PLEKHG4: variants seen among roughly 807,000 people sequenced by gnomAD.
The protein encoded by PLEKHG4 is puratrophin-1.
In PLEKHG4, 85 loss-of-function variants were observed where a neutral mutation model predicts 136.9. The observed-to-expected ratio is 0.62, with a 90% confidence interval of 0.52 to 0.74. The LOEUF is 0.74. Among genes scored for constraint, PLEKHG4 ranks in the 30% least tolerant of loss-of-function variants. The pLI is 0.00. For synonymous variants in PLEKHG4, 577 were observed against 646.9 expected, an observed-to-expected ratio of 0.89 and a Z score of 1.64; for missense variants, 1,317 against 1,527.8, an observed-to-expected ratio of 0.86 and a Z score of 2.30.
chr16:67,282,603 G>A lies in PLEKHG4; in HGVS notation c.1354G>A (p.Val452Ile), dbSNP rs772299611. The change falls in exon 10 of 22, where the codon GTC (valine) becomes ATC (isoleucine). Residue 452 changes from valine (V) to isoleucine (I), a missense_variant. Physicochemically the swap from Val to Ile is conservative, Grantham distance 29 (BLOSUM62 3). Coordinates refer to ENST00000379344, the MANE Select transcript of PLEKHG4 (RefSeq NM_001129729.3). ...CCAGCGAATACAGGCCCTAGAGTTG[G>A]TCCAAACACTGGAGGCCCGGGAAAG... is the stretch of plus-strand genomic sequence containing the variant. ...SNQRIQALEL[V>I]QTLEARESGL... 3.1e-6 allele frequency: 5 copies of A among 1,614,036 alleles called. No individual in the cohort carries two copies. The South Asian group carries it at 4.4e-5, about 14-fold the overall frequency.
In PLEKHG4 at chr16:67,284,745, G is replaced by A. The variant is rs767457598; in HGVS notation, c.1725G>A (p.Val575=). 4.3e-6 allele frequency: 7 copies of A among 1,613,830 alleles called. No individual in the cohort carries two copies. The highest frequency in any genetic ancestry group is 4.5e-5 in the East Asian group (2 of 44,890). ...ALTWAEEGQR[V]LAELEQERPG... is the part of the protein sequence containing the mutation. ...CGTGGGCTGAGGAGGGGCAGCGAGT[G>A]TTGGCAGAGCTGGAGCAGGAACGCC... The change falls in exon 13 of 22, where the codon GTG becomes GTA. Residue 575 remains valine (V), a synonymous_variant. Transcript: ENST00000379344. This position sits in a 1 kb window ranked among gnomAD's most constrained non-coding sequence, Gnocchi z 4.4.
chr16:67,285,194 C>T lies in PLEKHG4; in HGVS notation c.2174C>T (p.Ser725Phe). ...CCTACTGTGCCTCCACCAGGCAGCT[C>T]TGACCCCAGGAGCCTCAACAGGTAT... ...ASPTVPPPGS[S>F]DPRSLNRLQL... is the part of the protein sequence containing the mutation. The change falls in exon 13 of 22, where the codon TCT becomes TTT. Residue 725 changes from serine to phenylalanine, a missense_variant. Ser to Phe is a radical substitution (Grantham distance 155). Coordinates refer to ENST00000379344, the MANE Select transcript of PLEKHG4 (RefSeq NM_001129729.3). 1 of 1,613,664 alleles carries T rather than the reference C, an allele frequency of 6.2e-7. No homozygotes were observed. Among genetic ancestry groups the T allele is most frequent in the Non-Finnish European group, 8.5e-7 (1 of 1,180,004 alleles).
chr16:67,281,984 C>T (rs769224911), intron 7 of PLEKHG4, 25 bp from the exon 8 acceptor site: 14 of 1,596,080 alleles, frequency 8.8e-6, no homozygotes, highest in Non-Finnish European at 8.6e-6. Context: ...CATGCTGCTC[C>T]GGTCATGCCT....
chr16:67,279,316 G>A (rs1362504589), upstream of PLEKHG4: 1 of 152,142 alleles, frequency 6.6e-6, no homozygotes, highest in African/African-American at 2.4e-5. Context: ...GTGCGGCGGG[G>A]CGGGGCTGGC....
chr16:67,285,117 T>C lies in PLEKHG4; in HGVS notation c.2097T>C (p.Ile699=), dbSNP rs1361477739. ...PACHCHHAAT[I]AACRRPEAGG... is the part of the protein sequence containing the mutation. ...GCCACTGCCACCATGCGGCCACTAT[T>C]GCTGCCTGCCGCAGACCAGAGGCTG... The change falls in exon 13 of 22, where the codon ATT becomes ATC. Residue 699 remains isoleucine (I), a synonymous_variant. Coordinates refer to ENST00000379344, the MANE Select transcript of PLEKHG4 (RefSeq NM_001129729.3). 6.2e-7 allele frequency: 1 copy of C among 1,613,296 alleles called. No homozygotes were observed. The highest frequency in any genetic ancestry group is 8.5e-7 in the Non-Finnish European group (1 of 1,180,010).
In PLEKHG4 at chr16:67,284,199, G is replaced by A. The variant is rs999937256; in HGVS notation, c.1510-76G>A. 2.2e-5 allele frequency: 29 copies of A among 1,316,040 alleles called. 1 individual carries two copies. In the African/African-American group the frequency reaches 3.2e-4, roughly 15 times the overall value. 81.5% of individuals were successfully genotyped at this position (1,316,040 alleles called of 1,614,324 possible). ...AGACTTGATGGGGACATGTCGATAT[G>A]TCAGCAGGAAGTATCTGAGTCTGGG... On this transcript the variant is annotated intron_variant, in intron 11 of 21. Coordinates refer to ENST00000379344, the MANE Select transcript of PLEKHG4 (RefSeq NM_001129729.3). The surrounding 1 kb of genome is among the most constrained non-coding windows in gnomAD (Gnocchi z 4.4).
In PLEKHG4 at chr16:67,288,822, C is replaced by G. The variant is rs367954004; in HGVS notation, c.*14C>G. On this transcript the variant is annotated 3_prime_UTR_variant, in exon 22 of 22. Transcript: ENST00000379344. ...CTGCAGGTCTGAGCCCGGGACTGGA[C>G]GAGCAGTAGATCCAGCAGCCTGCAG... The G allele has an allele frequency of 8.6e-5, 139 of 1,613,374 alleles. No homozygotes were observed. The highest frequency in any genetic ancestry group is 1.1e-4 in the Non-Finnish European group (129 of 1,179,766).
rs1038873141 is a variant in PLEKHG4, at chr16:67,280,271, C to T, written c.227C>T (p.Ala76Val). 6.2e-6 allele frequency: 10 copies of T among 1,613,830 alleles called. No homozygotes were observed. The highest frequency in any genetic ancestry group is 3.3e-4 in the Middle Eastern group (2 of 6,062). ...AGGAAATTCCAGTTACCCCCAGCTG[C>T]AGATGAGTCGGGGGATGCCCAGAGG... ...LSRKFQLPPA[A>V]DESGDAQRGT... Residue 76 changes from alanine (A) to valine (V), a missense_variant, in exon 2 of 22, where the codon GCA becomes GTA. Ala to Val is a moderately conservative substitution (Grantham distance 64, BLOSUM62 0). Transcript: ENST00000379344. This position sits in a 1 kb window ranked among gnomAD's most constrained non-coding sequence, Gnocchi z 4.4.
rs191126951 is a variant in PLEKHG4, at chr16:67,288,418, C to G, written c.3454+18C>G. On this transcript the variant is annotated intron_variant, in intron 20 of 21. Coordinates refer to ENST00000379344, the MANE Select transcript of PLEKHG4 (RefSeq NM_001129729.3). ...CTCTTTGAGTATGTCTGGGCCTAGC[C>G]AGAGGCAGGAGGGCATGGCTTGGGG... The G allele has an allele frequency of 8.1e-4, 1,309 of 1,612,858 alleles. 1 individual carries two copies. Among genetic ancestry groups the G allele is most frequent in the Non-Finnish European group, 9.7e-4 (1,139 of 1,179,614 alleles).
chr16:67,286,122 G>T, intron 14 of PLEKHG4, 152 bp from the exon 15 acceptor site: 1 of 696,698 alleles, frequency 1.4e-6, no homozygotes, highest in Non-Finnish European at 2.6e-6. Context: ...ATCACCCCTT[G>T]TTCAAAGCAG....
In PLEKHG4 at chr16:67,288,981, G is replaced by A. The variant is rs59676238; in HGVS notation, c.*173G>A. The stretch of plus-strand genomic sequence containing the variant: ...GTGGCCATTGGACTAACTGGCACGG[G>A]GCCTCTCTAGGGAAGTCTGGTTGTA... On this transcript the variant is annotated 3_prime_UTR_variant, in exon 22 of 22. Transcript: ENST00000379344. 1.7e-3 allele frequency: 1,285 copies of A among 762,418 alleles called. 10 individuals carry two copies. Among genetic ancestry groups the A allele is most frequent in the African/African-American group, 0.016 (944 of 58,442 alleles). 47.2% of individuals were successfully genotyped at this position (762,418 alleles called of 1,614,324 possible).
At position 67,286,557 on chromosome 16, in the gene PLEKHG4, G is replaced by A. The variant is rs1202851918; in HGVS notation, c.2645G>A (p.Gly882Glu). 1.9e-6 allele frequency: 3 copies of A among 1,565,848 alleles called. No individual in the cohort carries two copies. The highest frequency in any genetic ancestry group is 2.6e-6 in the Non-Finnish European group (3 of 1,154,372). Reference protein sequence around the residue: ...LLLQELARACGGPTQELSALR... With the variant: ...LLLQELARACEGPTQELSALR... ...CTGCAGGAGCTGGCACGGGCCTGCG[G>A]GGGCCCCACGCAGGAGCTCAGTGCG... The change falls in exon 16 of 22, where the codon GGG becomes GAG. Residue 882 changes from glycine (G) to glutamate (E), a missense_variant. By Grantham distance (98) the Gly-to-Glu change is moderately conservative. Coordinates refer to ENST00000379344, the MANE Select transcript of PLEKHG4 (RefSeq NM_001129729.3).
chr16:67,280,106 G>A lies in PLEKHG4; in HGVS notation c.62G>A (p.Trp21Ter), dbSNP rs755402587. The A allele has an allele frequency of 6.2e-7, 1 of 1,613,900 alleles. No homozygotes were observed. The highest frequency in any genetic ancestry group is 1.1e-5 in the South Asian group (1 of 91,084). Reference protein sequence around the residue: ...SPDSQGHATDWRFAVCSFRDA... With the variant: ...SPDSQGHATD ...GACTCTCAGGGCCATGCCACCGACT[G>A]GAGATTTGCTGTGTGCAGTTTCAGG... The change falls in exon 2 of 22, where the codon TGG becomes TAG. Residue 21 changes from tryptophan to a stop codon, truncating the protein, a stop_gained. Coordinates refer to ENST00000379344, the MANE Select transcript of PLEKHG4 (RefSeq NM_001129729.3). LOFTEE classifies it high-confidence loss of function. This position sits in a 1 kb window ranked among gnomAD's most constrained non-coding sequence, Gnocchi z 4.4.
rs1567432542 is a variant in PLEKHG4 at position 67,280,969 on chromosome 16, T to C, written c.683T>C (p.Leu228Pro). 6.2e-7 allele frequency: 1 copy of C among 1,613,766 alleles called. No homozygotes were observed. The highest frequency in any genetic ancestry group is 2.2e-5 in the East Asian group (1 of 44,886). Residue 228 changes from leucine to proline, a missense_variant, in exon 4 of 22, where the codon CTC (leucine) becomes CCC (proline). Coordinates refer to ENST00000379344, the MANE Select transcript of PLEKHG4 (RefSeq NM_001129729.3). The surrounding 1 kb of genome is among the most constrained non-coding windows in gnomAD (Gnocchi z 4.4). ...WLQSECSSQE[L>P]IRLLLYLRSI... ...CAGTCTGAGTGCAGCAGCCAGGAAC[T>C]CATCCGCCTCCTGCTGTACCTGCGA...
In PLEKHG4 at chr16:67,288,965, G is replaced by A; in HGVS notation, c.*157G>A. On this transcript the variant is annotated 3_prime_UTR_variant, in exon 22 of 22. Transcript: ENST00000379344. ...ACCCTTTCTGATGTGTGTGGCCATTGGACTAACTGGCACGGGGCCTCTCTA... is the reference window on the plus strand; with the variant it reads ...ACCCTTTCTGATGTGTGTGGCCATTAGACTAACTGGCACGGGGCCTCTCTA... 1 of 850,528 alleles carries A rather than the reference G, an allele frequency of 1.2e-6. No homozygotes were observed. The highest frequency in any genetic ancestry group is 2.0e-6 in the Non-Finnish European group (1 of 511,124). The allele number at this position is 850,528 out of a possible 1,614,324, so 52.7% of individuals were successfully genotyped here.
rs1447394052 is a variant in PLEKHG4 at position 67,281,084 on chromosome 16, C to T, written c.720-7C>T. ...GTCAGGTACTGAACTGAAGCTCACC[C>T]CTTTAGGCCCGAAGTACAGGCACTG... On this transcript the variant is annotated splice_polypyrimidine_tract_variant and splice_region_variant and intron_variant, in intron 4 of 21. Transcript: ENST00000379344. The T allele has an allele frequency of 6.2e-7, 1 of 1,613,952 alleles. No homozygotes were observed. Among genetic ancestry groups the T allele is most frequent in the East Asian group, 2.2e-5 (1 of 44,880 alleles).
chr16:67,282,042 G>T lies in PLEKHG4; in HGVS notation c.1039G>T (p.Ala347Ser), dbSNP rs561717177. ...LEALLQNCQA[A>S]CALLQGAIES... ...AGCTCTACTACAGAACTGCCAGGCA[G>T]CTTGTGCCCTGCTCCAGGGGGCCAT... is the stretch of plus-strand genomic sequence containing the variant. The change falls in exon 8 of 22, where the codon GCT becomes TCT. Residue 347 changes from alanine to serine, a missense_variant. By Grantham distance (99) the Ala-to-Ser change is moderately conservative. Coordinates refer to ENST00000379344, the MANE Select transcript of PLEKHG4 (RefSeq NM_001129729.3). 7 of 1,613,526 alleles carry T rather than the reference G, an allele frequency of 4.3e-6. No homozygotes were observed. In the South Asian group the frequency reaches 7.7e-5, roughly 18 times the overall value.
In PLEKHG4 at chr16:67,286,329, C is replaced by T; in HGVS notation, c.2498C>T (p.Ala833Val). The change falls in exon 15 of 22, where the codon GCC (alanine) becomes GTC (valine). Residue 833 changes from alanine to valine, a missense_variant. By Grantham distance (64) the Ala-to-Val change is moderately conservative (BLOSUM62 0). Coordinates refer to ENST00000379344, the MANE Select transcript of PLEKHG4 (RefSeq NM_001129729.3). ...AGCAAGAATAAGCCTCGCTCCGATGCCCTGATGTCAAGCTATGGGCACACC... is the reference window on the plus strand; with the variant it reads ...AGCAAGAATAAGCCTCGCTCCGATGTCCTGATGTCAAGCTATGGGCACACC... ...LYSKNKPRSD[A>V]LMSSYGHTFF... 1 of 1,613,910 alleles carries T rather than the reference C, an allele frequency of 6.2e-7. No homozygotes were observed. Among genetic ancestry groups the T allele is most frequent in the South Asian group, 1.1e-5 (1 of 91,080 alleles).
chr16:67,284,311 C>A lies in PLEKHG4; in HGVS notation c.1546C>A (p.Leu516Met), dbSNP rs1412498278. Residue 516 changes from leucine to methionine, a missense_variant, in exon 12 of 22, where the codon CTG (leucine) becomes ATG (methionine). By Grantham distance (15) the Leu-to-Met change is conservative. Coordinates refer to ENST00000379344, the MANE Select transcript of PLEKHG4 (RefSeq NM_001129729.3). The surrounding 1 kb of genome is among the most constrained non-coding windows in gnomAD (Gnocchi z 4.4). ...VRQGEKFLQP[L>M]TGWEAAELDP... ...GCAAGGGGAGAAGTTTCTGCAGCCG[C>A]TGACTGGCTGGGAGGCGGCTGAACT... The A allele has an allele frequency of 6.2e-7, 1 of 1,613,866 alleles. No homozygotes were observed.
Sources: gnomAD v4.1 joint callset for allele counts on GRCh38, gnomAD v4.1.1 for gene constraint, Gnocchi (gnomAD v3.1) non-coding constraint, MANE v1.5 for transcripts, NCBI Gene and HGNC (gene_info 2026-07-23, HGNC 2026-07-21) for gene names.